The following MAGI2 variants were observed in gnomAD, a reference collection of about 807,000 sequenced individuals.
The protein encoded by MAGI2 is membrane associated guanylate kinase, WW and PDZ domain containing 2.
Under a neutral mutation model 133.3 loss-of-function variants are expected in MAGI2, and 35 were observed. That is an observed-to-expected ratio of 0.26 (90% confidence interval 0.20 to 0.35). The LOEUF (loss-of-function observed/expected upper bound fraction) is 0.35, where lower values mean the gene tolerates loss of function less well. Ranked by LOEUF, MAGI2 falls within the 10% of genes least tolerant of loss-of-function variation. The probability of loss-of-function intolerance (pLI) is 1.00; values close to 1 mark genes in which losing one functional copy is unlikely to be tolerated. For missense variants in MAGI2, 1,636 were observed against 1,863.4 expected (o/e 0.88, Z 2.25); for synonymous variants, 729 against 710.6 (o/e 1.03, Z -0.41).
intron 16 of MAGI2, among the ~76,000 whole-genome samples, chr7:78,152,095 A>G (rs3779293): frequency 0.078 from 11,926 of 152,242 alleles, 685 homozygotes; most frequent in East Asian, 0.3. Context: ...AACAGACACA[A>G]TAAAAGAAGG....
At chr7:78,090,583 C>A (rs1817093575) in intron 20 of MAGI2, among the ~76,000 whole-genome samples, 1 of 152,162 alleles carries the variant, frequency 6.6e-6, no homozygotes, top group African/African-American at 2.4e-5. Flanking sequence ...ATAAATATTT[C>A]TTAAATGAAT....
intron 3 of MAGI2, among the ~76,000 whole-genome samples, chr7:78,563,840 G>A (rs113259960): frequency 0.028 from 4,317 of 152,228 alleles, 94 homozygotes; most frequent in South Asian, 0.069. Context: ...ACGCACTAAC[G>A]TTATCAAAAT....
chr7:79,353,860 T>C, intron 1 of MAGI2: 1 of 198,286 alleles, frequency 5.0e-6, no homozygotes, highest in Non-Finnish European at 1.1e-5. Flanking sequence ...CTGCTTATGC[T>C]TCAGTGGCCA....
At chr7:79,276,308 C>T (rs1259550577) in intron 1 of MAGI2, among the ~76,000 whole-genome samples, 1 of 152,076 alleles carries the variant, frequency 6.6e-6, no homozygotes, top group Non-Finnish European at 1.5e-5. Context: ...TATAGGAAGT[C>T]ACTGCTTATG....
chr7:78,428,778 G>T (rs1256631910), intron 6 of MAGI2, among the ~76,000 whole-genome samples: 1 of 152,072 alleles, frequency 6.6e-6, no homozygotes, highest in East Asian at 1.9e-4. Context: ...CCCTCCATAG[G>T]CTCAATTGTA....
intron 7 of MAGI2, among the ~76,000 whole-genome samples, chr7:78,360,595 A>T (rs1295393186): frequency 1.3e-5 from 2 of 152,238 alleles, no homozygotes; most frequent in African/African-American, 4.8e-5. Context: ...AATAATCATC[A>T]TCTACCTGTC....
chr7:78,269,626 G>A (rs1207408201), intron 9 of MAGI2, among the ~76,000 whole-genome samples: 1 of 151,894 alleles, frequency 6.6e-6, no homozygotes. Flanking sequence ...TTTTTGATGG[G>A]GTTGTTTGAT....
At chr7:79,306,391 G>A (rs1006880050) in intron 1 of MAGI2, among the ~76,000 whole-genome samples, 2 of 149,432 alleles carry the variant, frequency 1.3e-5, no homozygotes, top group South Asian at 2.1e-4. Flanking sequence ...CAAACTCTTC[G>A]GCTTAAGTGA....
At chr7:78,463,014 A>G (rs12665973) in intron 6 of MAGI2, among the ~76,000 whole-genome samples, 1 of 152,230 alleles carries the variant, frequency 6.6e-6, no homozygotes, top group Admixed American at 6.5e-5. Flanking sequence ...TGGAGTGTAG[A>G]CTACTCAGAG....
chr7:78,245,838 C>A (rs180819685), intron 10 of MAGI2, among the ~76,000 whole-genome samples: 1 of 152,126 alleles, frequency 6.6e-6, no homozygotes, highest in Non-Finnish European at 1.5e-5. Flanking sequence ...GAAGCCGACA[C>A]GGTGCCTTGC....
intron 2 of MAGI2, among the ~76,000 whole-genome samples, chr7:78,687,312 G>T (rs1160279326): frequency 1.3e-5 from 2 of 152,120 alleles, no homozygotes; most frequent in Non-Finnish European, 1.5e-5. Context: ...AACTCTTTGG[G>T]TCTCAGAGTC....
chr7:78,468,589 T>G (rs1563045110), intron 6 of MAGI2, among the ~76,000 whole-genome samples: 1 of 152,174 alleles, frequency 6.6e-6, no homozygotes, highest in Admixed American at 6.6e-5. Flanking sequence ...ATTGCACAAT[T>G]AGAATATTAT....
At chr7:78,717,539 C>CTTAG in intron 2 of MAGI2, among the ~76,000 whole-genome samples, 1 of 152,220 alleles carries the variant, frequency 6.6e-6, no homozygotes, top group Middle Eastern at 3.4e-3. Flanking sequence ...TGTGAATGAA[C>CTTAG]TTAGGCTAGA....
At chr7:78,068,175 C>T (rs1814044891) in intron 21 of MAGI2, among the ~76,000 whole-genome samples, 1 of 152,184 alleles carries the variant, frequency 6.6e-6, no homozygotes, top group African/African-American at 2.4e-5. Context: ...TCAGGCATTA[C>T]ATGCTCATAA....
chr7:79,402,125 T>C (rs758070829), intron 1 of MAGI2, among the ~76,000 whole-genome samples: 5 of 152,128 alleles, frequency 3.3e-5, no homozygotes, highest in Admixed American at 2.0e-4. Context: ...TAAGCAGATA[T>C]CCTTTTTAGT....
intron 6 of MAGI2, chr7:78,487,081 C>T (rs1252289996): frequency 2.5e-6 from 1 of 404,634 alleles, no homozygotes; most frequent in African/African-American, 2.0e-5. Context: ...AGGCTACGGT[C>T]CTGTTCTCCT....
intron 3 of MAGI2, among the ~76,000 whole-genome samples, chr7:78,612,709 G>T (rs999153152): frequency 2.0e-5 from 3 of 151,230 alleles, no homozygotes; most frequent in South Asian, 2.1e-4. Context: ...TCGCTCTGTC[G>T]CCCAGGCCGG....
At chr7:78,805,049 C>T (rs1471052433) in intron 2 of MAGI2, among the ~76,000 whole-genome samples, 14 of 149,518 alleles carry the variant, frequency 9.4e-5, no homozygotes, top group Admixed American at 1.3e-4. Flanking sequence ...GCCTGGGCGA[C>T]AGCAAGACTC....
At chr7:79,204,224 C>T (rs1828848649) in intron 1 of MAGI2, among the ~76,000 whole-genome samples, 1 of 151,972 alleles carries the variant, frequency 6.6e-6, no homozygotes, top group Non-Finnish European at 1.5e-5. Context: ...CTGGATCTAC[C>T]CTGGTGTCAG....
Sources: allele counts gnomAD v4.1 joint callset (sites outside exome capture counted in the v4.1 genomes callset), GRCh38; gene constraint gnomAD v4.1.1; transcripts MANE v1.5; gene names NCBI Gene and HGNC (gene_info 2026-07-23, HGNC 2026-07-21).